Variants in NAA35 observed in about 807,000 individuals in gnomAD.
The protein encoded by NAA35 is MAK10 homolog, amino-acid N-acetyltransferase subunit.
In NAA35, 18 loss-of-function variants were observed where a neutral mutation model predicts 101.7. The observed-to-expected ratio is 0.18, with a 90% CI of 0.12 to 0.26. NAA35 has a LOEUF of 0.26. Among genes scored for constraint, NAA35 ranks in the 10% least tolerant of loss-of-function variants. The pLI is 1.00. For missense variants in NAA35, 601 were observed against 886.8 expected (o/e 0.68, Z 4.09); for synonymous variants, 267 against 273.1 (o/e 0.98, Z 0.22).
Position 85,962,014 on chromosome 9 carries a change from T to C in NAA35, c.350T>C (p.Ile117Thr). 6.2e-7 allele frequency: 1 copy of C among 1,602,188 alleles called. No individual in the cohort carries two copies. Among genetic ancestry groups the C allele is most frequent in the Non-Finnish European group, 8.5e-7 (1 of 1,176,426 alleles). The change falls in exon 6 of 23, where the codon ATA (isoleucine) becomes ACA (threonine). Residue 117 changes from isoleucine (I) to threonine (T), a missense_variant and splice_region_variant. Physicochemically the swap from Ile to Thr is moderately conservative, Grantham distance 89. Around this residue, in one of 8 missense-constraint regions of NAA35, gnomAD observed 86 missense variants for 169.4 expected, o/e 0.51. Transcript: ENST00000361671. ...ATATACTCTTTTGTTTCTTTATAGA[T>C]AACGTGGTTAGAAGGCCATTCACTG... The part of the protein sequence containing the change: ...GIMDTCFCCL[I>T]TWLEGHSLAQ...
chr9:85,998,410 A>T (rs2118282563), intron 12 of NAA35, among the ~76,000 whole-genome samples: 1 of 152,262 alleles, frequency 6.6e-6, no homozygotes, highest in East Asian at 1.9e-4. Flanking sequence ...TTCATATTAA[A>T]TTACATTTAG....
intron 11 of NAA35, among the ~76,000 whole-genome samples, chr9:85,989,287 A>G (rs1830791240): frequency 6.6e-6 from 1 of 152,012 alleles, no homozygotes; most frequent in South Asian, 2.1e-4. Context: ...CCTGACCAAC[A>G]TGGGGAAACC....
At chr9:86,005,084 A>C (rs541548319) in intron 13 of NAA35, among the ~76,000 whole-genome samples, 3 of 152,320 alleles carry the variant, frequency 2.0e-5, no homozygotes, top group African/African-American at 7.2e-5. Context: ...ATCTTATTCC[A>C]TGAACACAGA....
chr9:85,948,436 CT>C (rs1828859756), intron 2 of NAA35, among the ~76,000 whole-genome samples: 1 of 152,186 alleles, frequency 6.6e-6, no homozygotes, highest in Admixed American at 6.5e-5. Context: ...TCTTGATCCT[CT>C]TAACTGCAGT....
rs150699808 is a variant in NAA35, at chr9:85,986,421, A to G, written c.877+8040A>G. On this transcript the variant is annotated intron_variant, in intron 11 of 22. Transcript: ENST00000361671. ...AGGCATGTAATTTGTATGTGGTTAC[A>G]GTGCTACTTGTTTTTTGTTTTACAC... 1.4e-3 allele frequency: 637 copies of G among 470,214 alleles called. 4 individuals carry two copies. Among genetic ancestry groups the G allele is most frequent in the African/African-American group, 0.011 (561 of 50,188 alleles). 29.1% of individuals were successfully genotyped at this position (470,214 alleles called of 1,614,324 possible).
At chr9:85,980,935 G>T (rs1354474416) in intron 11 of NAA35, among the ~76,000 whole-genome samples, 1 of 152,128 alleles carries the variant, frequency 6.6e-6, no homozygotes, top group East Asian at 1.9e-4. Context: ...AGAAAGGCAA[G>T]TTTTTACTGA....
chr9:85,955,609 C>T (rs968957287), intron 2 of NAA35, among the ~76,000 whole-genome samples: 7 of 151,918 alleles, frequency 4.6e-5, no homozygotes, highest in African/African-American at 7.3e-5. Flanking sequence ...GTGATCCACC[C>T]GCCTTGGCCT....
rs371887163 is a variant in NAA35, at chr9:86,024,216, T to C, written c.*2256T>C. Among the ~76,000 whole-genome samples the C allele has an allele frequency of 6.6e-6, 1 of 152,160 alleles. No homozygotes were observed. Among genetic ancestry groups the C allele is most frequent in the East Asian group, 1.9e-4 (1 of 5,194 alleles). ...AGGAGAACTGCCCCACGTGAAACTTTAGGTGACAAATCCCCATCGCATCTA... is the reference window on the plus strand; with the variant it reads ...AGGAGAACTGCCCCACGTGAAACTTCAGGTGACAAATCCCCATCGCATCTA... On this transcript the variant is annotated 3_prime_UTR_variant, in exon 23 of 23. Transcript: ENST00000361671.
chr9:85,948,300 T>A (rs1414994948), intron 2 of NAA35, among the ~76,000 whole-genome samples: 1 of 152,200 alleles, frequency 6.6e-6, no homozygotes, highest in African/African-American at 2.4e-5. Flanking sequence ...TTGGTGTACT[T>A]ATCATTAATT....
At chr9:86,013,687 C>A in intron 16 of NAA35, 32 bp from the exon 17 acceptor site, 2 of 1,560,412 alleles carry the variant, frequency 1.3e-6, no homozygotes, top group Non-Finnish European at 1.7e-6. Flanking sequence ...GAAAACAAAA[C>A]GAACACAGTT....
intron 2 of NAA35, among the ~76,000 whole-genome samples, chr9:85,949,027 G>A (rs1179119480): frequency 6.6e-6 from 1 of 152,158 alleles, no homozygotes. Flanking sequence ...AAAGTGCTGG[G>A]ATTACAGGTG....
chr9:85,965,637 G>A (rs1296374214), intron 6 of NAA35, among the ~76,000 whole-genome samples: 1 of 151,724 alleles, frequency 6.6e-6, no homozygotes, highest in East Asian at 1.9e-4. Context: ...CAAAAAAAGG[G>A]TATTTTACTG....
In NAA35 at chr9:86,016,689, T is replaced by C; in HGVS notation, c.1705+14T>C. ...AAAAAAAGAAAGGTGCTGTGGATTA[T>C]TTTTAAACTTAAGAACAGAGTGTAC... On this transcript the variant is annotated intron_variant, in intron 18 of 22. Coordinates refer to ENST00000361671, the MANE Select transcript of NAA35 (RefSeq NM_024635.4). 6.2e-7 allele frequency: 1 copy of C among 1,606,206 alleles called. No individual in the cohort carries two copies. Among genetic ancestry groups the C allele is most frequent in the African/African-American group, 1.3e-5 (1 of 74,724 alleles).
chr9:85,991,499 G>A (rs982216032), intron 11 of NAA35, among the ~76,000 whole-genome samples: 1 of 152,120 alleles, frequency 6.6e-6, no homozygotes, highest in African/African-American at 2.4e-5. Flanking sequence ...GGCATGAGAT[G>A]TCAAAGCCTA....
At chr9:86,000,317 T>C (rs1365924626) in intron 12 of NAA35, among the ~76,000 whole-genome samples, 1 of 152,162 alleles carries the variant, frequency 6.6e-6, no homozygotes, top group Non-Finnish European at 1.5e-5. Flanking sequence ...TTGTTGAGGA[T>C]TTTTGCATCG....
chr9:85,995,000 C>T (rs963679769), intron 11 of NAA35, among the ~76,000 whole-genome samples: 3 of 152,020 alleles, frequency 2.0e-5, no homozygotes, highest in African/African-American at 7.2e-5. Flanking sequence ...CACAAAAATA[C>T]ATAACAACTA....
chr9:85,980,442 C>A (rs1296132525), intron 11 of NAA35, among the ~76,000 whole-genome samples: 1 of 152,036 alleles, frequency 6.6e-6, no homozygotes, highest in African/African-American at 2.4e-5. Context: ...ATTCGCATAT[C>A]AAAAGACAGC....
At chr9:85,975,226 T>G in intron 8 of NAA35, 69 bp downstream of exon 8, 4 of 1,477,282 alleles carry the variant, frequency 2.7e-6, no homozygotes, top group South Asian at 1.2e-5. Context: ...TTTACCTAAT[T>G]AAAAATGTGT....
chr9:85,971,865 A>G (rs1486519143), intron 6 of NAA35, among the ~76,000 whole-genome samples: 1 of 143,274 alleles, frequency 7.0e-6, no homozygotes, highest in Non-Finnish European at 1.5e-5. Flanking sequence ...CCAACTTCTT[A>G]CTCTCCCCAC....
Sources: allele counts gnomAD v4.1 joint callset (sites outside exome capture counted in the v4.1 genomes callset), GRCh38; gene constraint gnomAD v4.1.1; regional missense constraint gnomAD v4.1.1; transcripts MANE v1.5; gene names NCBI Gene and HGNC (gene_info 2026-07-23, HGNC 2026-07-21).